PDK3: variants seen among roughly 807,000 people sequenced by gnomAD.
The protein encoded by PDK3 is pyruvate dehydrogenase kinase, isozyme 3.
Under a neutral mutation model 32.0 loss-of-function variants are expected in PDK3, and 12 were observed. That is an observed-to-expected ratio of 0.37 (90% CI 0.24 to 0.61). The LOEUF (loss-of-function observed/expected upper bound fraction) is 0.61. Among genes scored for constraint, PDK3 ranks in the 20% least tolerant of loss-of-function variants. The pLI is 0.65. For synonymous variants in PDK3, 122 were observed against 116.3 expected (o/e 1.05, Z -0.31); for missense variants, 188 against 316.9 (o/e 0.59, Z 3.09).
chrX:24,513,655 T>C (rs1922183243), intron 5 of PDK3: 1 of 111,213 alleles, frequency 9.0e-6, no homozygotes, highest in Non-Finnish European at 1.9e-5. Flanking sequence ...CTAAAGGAGA[T>C]CATATTCTGC....
At chrX:24,491,646 C>T (rs1050946335) in intron 1 of PDK3, among the ~76,000 whole-genome samples, 1 of 111,103 alleles carries the variant, frequency 9.0e-6, no homozygotes, top group Non-Finnish European at 1.9e-5. Flanking sequence ...AACCCAAAGT[C>T]GAGGCCTAGT....
intron 3 of PDK3, among the ~76,000 whole-genome samples, chrX:24,499,280 G>A (rs1474265053): frequency 1.8e-5 from 2 of 110,734 alleles, no homozygotes; most frequent in Non-Finnish European, 3.8e-5. Context: ...ATTTCAATAG[G>A]ATATTACATT....
intron 6 of PDK3, 57 bp downstream of exon 6, chrX:24,519,067 A>G: frequency 1.4e-6 from 1 of 730,780 alleles, no homozygotes. Flanking sequence ...GAAGCTGTTT[A>G]TACCTAAGCC....
chrX:24,484,248 A>G (rs764523509), intron 1 of PDK3, among the ~76,000 whole-genome samples: 1 of 111,444 alleles, frequency 9.0e-6, no homozygotes, highest in South Asian at 3.7e-4. Context: ...ATCTGAGCTC[A>G]AGTGATCCTC....
chrX:24,516,462 C>T (rs1009279218), intron 5 of PDK3, among the ~76,000 whole-genome samples: 12 of 111,521 alleles, frequency 1.1e-4, no homozygotes, highest in Non-Finnish European at 1.9e-4. Flanking sequence ...AGCTGATGAA[C>T]GGATAAAGAA....
intron 5 of PDK3, among the ~76,000 whole-genome samples, chrX:24,517,728 T>A (rs1414040631): frequency 2.7e-5 from 3 of 112,709 alleles, no homozygotes; most frequent in African/African-American, 9.7e-5. Context: ...GTCTTCCGGC[T>A]GTTTCTGTAA....
exon 12 of PDK3, among the ~76,000 whole-genome samples, chrX:24,543,747 C>G (rs1387040378): frequency 8.9e-6 from 1 of 111,895 alleles, no homozygotes; most frequent in African/African-American, 3.2e-5. Flanking sequence ...CCGCGCCCAG[C>G]CTAGTTTCAT....
intron 5 of PDK3, 76 bp from the exon 6 acceptor site, chrX:24,518,837 GCACACACACACACACACACA>G (rs3222401): frequency 7.2e-5 from 27 of 373,103 alleles, no homozygotes; most frequent in African/African-American, 2.8e-4. Context: ...ATGCACATGT[GCACACACACACACACACACA>G]CACACACACA....
intron 6 of PDK3, among the ~76,000 whole-genome samples, chrX:24,522,286 C>T (rs1338438103): frequency 1.8e-5 from 2 of 111,165 alleles, no homozygotes; most frequent in Non-Finnish European, 3.8e-5. Flanking sequence ...GCATCTGCTA[C>T]TTAACAGCCA....
exon 12 of PDK3, chrX:24,539,590 T>G: frequency 8.6e-6 from 1 of 116,462 alleles, no homozygotes; most frequent in Non-Finnish European, 1.8e-5. Context: ...CCTAGGGCCC[T>G]GGGACCCTGA....
At chrX:24,530,470 T>C (rs1366081454) in intron 9 of PDK3, among the ~76,000 whole-genome samples, 1 of 112,008 alleles carries the variant, frequency 8.9e-6, no homozygotes. Flanking sequence ...GAGGTCAGTT[T>C]TTTATCATAT....
chrX:24,467,500 A>G (rs1455809326), intron 1 of PDK3, among the ~76,000 whole-genome samples: 2 of 112,563 alleles, frequency 1.8e-5, no homozygotes, highest in Non-Finnish European at 3.7e-5. Context: ...GGAAGCGCAC[A>G]GAAGTGCTAG....
At chrX:24,487,638 A>G (rs1231896103) in intron 1 of PDK3, among the ~76,000 whole-genome samples, 1 of 111,358 alleles carries the variant, frequency 9.0e-6, no homozygotes, top group Non-Finnish European at 1.9e-5. Flanking sequence ...AGTTGATGAT[A>G]TTAATAAAAA....
At chrX:24,496,390 G>A (rs1263050382) in intron 2 of PDK3, among the ~76,000 whole-genome samples, 3 of 108,770 alleles carry the variant, frequency 2.8e-5, no homozygotes, top group African/African-American at 1.0e-4. Flanking sequence ...ACACATACAC[G>A]ATGTCTACAT....
In PDK3 at chrX:24,494,890, A is replaced by G; in HGVS notation, c.248+7A>G. The G allele has an allele frequency of 8.3e-7, 1 of 1,197,915 alleles. No homozygotes were observed. The highest frequency in any genetic ancestry group is 1.1e-6 in the Non-Finnish European group (1 of 886,099). Reference sequence around the variant, plus strand: ...TGGGATTGGTTCAGAGTTGGTAAGTAAACAATGTGGCTTAAAATGGATCTT... The same window carrying G: ...TGGGATTGGTTCAGAGTTGGTAAGTGAACAATGTGGCTTAAAATGGATCTT... On this transcript the variant is annotated splice_region_variant and intron_variant, in intron 2 of 10. Transcript: ENST00000379162.
At chrX:24,471,700 C>T (rs900569255) in intron 1 of PDK3, among the ~76,000 whole-genome samples, 1 of 112,079 alleles carries the variant, frequency 8.9e-6, no homozygotes, top group Non-Finnish European at 1.9e-5. Flanking sequence ...TCTCTTTCTC[C>T]GTATAGCTCC....
intron 1 of PDK3, among the ~76,000 whole-genome samples, chrX:24,493,095 C>CAT (rs1278266839): frequency 9.0e-6 from 1 of 111,194 alleles, no homozygotes; most frequent in Non-Finnish European, 1.9e-5. Context: ...ATTGTGGGGG[C>CAT]ATTACACCCC....
chrX:24,473,324 A>G (rs1921021915), intron 1 of PDK3, among the ~76,000 whole-genome samples: 1 of 108,556 alleles, frequency 9.2e-6, no homozygotes, highest in South Asian at 4.3e-4. Context: ...CAGTGGGCCA[A>G]GATTGCGCCA....
chrX:24,530,143 A>G (rs186122331), intron 9 of PDK3, among the ~76,000 whole-genome samples: 1 of 111,713 alleles, frequency 9.0e-6, no homozygotes, highest in Non-Finnish European at 1.9e-5. Context: ...CTCTTCCTAG[A>G]GTGAGCTAGT....
Sources: allele counts gnomAD v4.1 joint callset (sites outside exome capture counted in the v4.1 genomes callset), GRCh38; gene constraint gnomAD v4.1.1; transcripts MANE v1.5; gene names NCBI Gene and HGNC (gene_info 2026-07-23, HGNC 2026-07-21).